ASIC2: variants seen among roughly 807,000 people sequenced by gnomAD.
ASIC2 encodes acid-sensing ion channel 2.
In ASIC2, 25 loss-of-function variants were observed where a neutral mutation model predicts 57.3. The observed-to-expected ratio is 0.44, with a 90% CI of 0.32 to 0.61. The LOEUF is 0.61. Ranked by LOEUF, ASIC2 falls within the 20% of genes least tolerant of loss-of-function variation. ASIC2 has a pLI of 0.06. For synonymous variants in ASIC2, 319 were observed against 307.5 expected (o/e 1.04, Z -0.39); for missense variants, 641 against 738.1 (o/e 0.87, Z 1.52).
chr17:33,035,209 A>G (rs1486555720), intron 3 of ASIC2, among the ~76,000 whole-genome samples: 1 of 151,998 alleles, frequency 6.6e-6, no homozygotes, highest in Non-Finnish European at 1.5e-5. Flanking sequence ...GTTTCTCATT[A>G]TTTACATCTT....
At chr17:33,486,429 G>A (rs373984557) in intron 1 of ASIC2, among the ~76,000 whole-genome samples, 2 of 152,172 alleles carry the variant, frequency 1.3e-5, no homozygotes, top group African/African-American at 4.8e-5. Context: ...CTCTACTCAC[G>A]TTTTTTCCTG....
intron 1 of ASIC2, among the ~76,000 whole-genome samples, chr17:33,498,179 C>A (rs1418579713): frequency 1.3e-5 from 2 of 152,240 alleles, no homozygotes; most frequent in African/African-American, 2.4e-5. Flanking sequence ...TTGCTTCACT[C>A]GTGTGTCTGT....
chr17:33,537,151 T>C (rs1352967943), intron 1 of ASIC2, among the ~76,000 whole-genome samples: 1 of 152,216 alleles, frequency 6.6e-6, no homozygotes, highest in East Asian at 1.9e-4. Context: ...TCTGCCCACC[T>C]TTCTGACTCA....
chr17:33,500,618 C>T (rs888827792), intron 1 of ASIC2, among the ~76,000 whole-genome samples: 16 of 152,304 alleles, frequency 1.1e-4, no homozygotes, highest in Admixed American at 9.1e-4. Context: ...GTAGCTTGAC[C>T]TCAGACTTCT....
intron 1 of ASIC2, among the ~76,000 whole-genome samples, chr17:33,178,777 G>T (rs1178820550): frequency 2.0e-5 from 3 of 152,332 alleles, no homozygotes; most frequent in East Asian, 1.9e-4. Context: ...CCCCATGCAG[G>T]CAGGGGAAGC....
At chr17:33,305,393 C>T (rs557331955) in intron 1 of ASIC2, among the ~76,000 whole-genome samples, 36 of 152,264 alleles carry the variant, frequency 2.4e-4, no homozygotes, top group African/African-American at 7.0e-4. Flanking sequence ...ACTTTATGCA[C>T]GATCATGATA....
intron 8 of ASIC2, among the ~76,000 whole-genome samples, chr17:33,016,893 A>G (rs2091808965): frequency 6.6e-6 from 1 of 152,184 alleles, no homozygotes; most frequent in African/African-American, 2.4e-5. Context: ...GGAGGCCTCC[A>G]AGGGAACACC....
chr17:33,294,991 G>A (rs1185229344), upstream of ASIC2, among the ~76,000 whole-genome samples: 1 of 152,184 alleles, frequency 6.6e-6, no homozygotes, highest in Non-Finnish European at 1.5e-5. Flanking sequence ...TGGCCAAGGT[G>A]GGGTGACCTA....
At chr17:34,023,281 C>T (rs189159439) in intron 1 of ASIC2, among the ~76,000 whole-genome samples, 2 of 151,998 alleles carry the variant, frequency 1.3e-5, no homozygotes, top group African/African-American at 2.4e-5. Context: ...TTCTATTTGT[C>T]TCTTTCCTAA....
At chr17:33,652,983 C>T (rs1332017811) in intron 1 of ASIC2, among the ~76,000 whole-genome samples, 1 of 152,194 alleles carries the variant, frequency 6.6e-6, no homozygotes, top group East Asian at 1.9e-4. Flanking sequence ...CCAATTCTGC[C>T]ATTTCCTGGC....
chr17:33,329,926 G>A (rs1907242309), intron 1 of ASIC2, among the ~76,000 whole-genome samples: 1 of 152,148 alleles, frequency 6.6e-6, no homozygotes, highest in African/African-American at 2.4e-5. Context: ...TGGGGCAAGA[G>A]GGGAACGGGC....
intron 1 of ASIC2, among the ~76,000 whole-genome samples, chr17:33,473,433 T>C (rs1424013517): frequency 6.6e-6 from 1 of 152,210 alleles, no homozygotes; most frequent in Non-Finnish European, 1.5e-5. Context: ...AATGACAGCC[T>C]AGACAAGGCA....
intron 1 of ASIC2, among the ~76,000 whole-genome samples, chr17:33,583,822 A>G (rs1241407949): frequency 1.3e-5 from 2 of 152,144 alleles, no homozygotes; most frequent in African/African-American, 4.8e-5. Context: ...CATTTTATTC[A>G]GTCACAGCAT....
intron 1 of ASIC2, among the ~76,000 whole-genome samples, chr17:33,738,804 G>A (rs1445906382): frequency 6.6e-6 from 1 of 152,204 alleles, no homozygotes; most frequent in African/African-American, 2.4e-5. Flanking sequence ...AGAACAAGGT[G>A]TATCAAGTCT....
intron 1 of ASIC2, among the ~76,000 whole-genome samples, chr17:33,654,391 G>T (rs1281959448): frequency 6.6e-6 from 1 of 152,198 alleles, no homozygotes; most frequent in Non-Finnish European, 1.5e-5. Flanking sequence ...GATAAGGATT[G>T]ACCAGGAGGC....
At chr17:33,374,505 C>G (rs1354958732) in intron 1 of ASIC2, among the ~76,000 whole-genome samples, 1 of 152,168 alleles carries the variant, frequency 6.6e-6, no homozygotes, top group Non-Finnish European at 1.5e-5. Flanking sequence ...TCCGTAAAAA[C>G]CCTAAGCTCT....
At chr17:33,545,135 C>T (rs1915538868) in intron 1 of ASIC2, among the ~76,000 whole-genome samples, 1 of 152,078 alleles carries the variant, frequency 6.6e-6, no homozygotes, top group Non-Finnish European at 1.5e-5. Context: ...TAAAGATAGC[C>T]CTACTCCATA....
intron 1 of ASIC2, among the ~76,000 whole-genome samples, chr17:34,040,030 C>T (rs1225138902): frequency 1.3e-5 from 2 of 150,158 alleles, no homozygotes; most frequent in South Asian, 2.1e-4. Flanking sequence ...CAGCCACCGC[C>T]GGCGCCGGGC....
chr17:33,290,781 A>G (rs974482319), intron 1 of ASIC2: 1 of 152,202 alleles, frequency 6.6e-6, no homozygotes, highest in Non-Finnish European at 1.5e-5. Context: ...TAGCCAAAGC[A>G]TGCTGCTGCC....
Sources: allele counts gnomAD v4.1 joint callset (sites outside exome capture counted in the v4.1 genomes callset), GRCh38; gene constraint gnomAD v4.1.1; transcripts MANE v1.5; gene names NCBI Gene and HGNC (gene_info 2026-07-23, HGNC 2026-07-21).